KIAA0319: variants seen among roughly 807,000 people sequenced by gnomAD.
KIAA0319 encodes dyslexia-associated protein KIAA0319.
A neutral mutation model predicts 108.4 loss-of-function variants in KIAA0319; 83 were observed. The ratio of observed to expected loss-of-function variants is 0.77; its 90% CI spans 0.64 to 0.92. KIAA0319 has a LOEUF of 0.92. Among genes scored for constraint, KIAA0319 ranks in the 40% least tolerant of loss-of-function variants. The probability of loss-of-function intolerance (pLI) is 0.00; values close to 1 mark genes in which losing one functional copy is unlikely to be tolerated. For synonymous variants in KIAA0319, 484 were observed against 510.4 expected (o/e 0.95, Z 0.70); for missense variants, 1,195 against 1,322.4 (o/e 0.90, Z 1.49).
In KIAA0319 at chr6:24,614,587, T is replaced by C. The variant is rs1002880409; in HGVS notation, c.-105-13379A>G. 2.6e-5 allele frequency among the ~76,000 whole-genome samples: 4 copies of C among 152,180 alleles called. No individual in the cohort carries two copies. The East Asian group carries it at 7.7e-4, about 29-fold the overall frequency. ...AACAATTAAATATTACTGTCCCCAC[T>C]TTATAGATGATGAAACTGAAGCTCA... On this transcript the variant is annotated intron_variant, in intron 1 of 20. Coordinates refer to ENST00000378214, the MANE Select transcript of KIAA0319 (RefSeq NM_014809.4).
chr6:24,623,753 C>T (rs762047577), intron 1 of KIAA0319, among the ~76,000 whole-genome samples: 1 of 152,068 alleles, frequency 6.6e-6, no homozygotes, highest in Non-Finnish European at 1.5e-5. Flanking sequence ...ATTTATTGTG[C>T]ATTTCAAAAT....
At chr6:24,582,425 C>T in intron 5 of KIAA0319, 79 bp from the exon 6 acceptor site, 1 of 822,158 alleles carries the variant, frequency 1.2e-6, no homozygotes, top group East Asian at 2.5e-5. Flanking sequence ...AAGATGACAG[C>T]CTTTAAACCA....
intron 3 of KIAA0319, among the ~76,000 whole-genome samples, chr6:24,593,486 G>A (rs577423292): frequency 4.7e-4 from 70 of 148,030 alleles, no homozygotes; most frequent in African/African-American, 1.7e-3. Flanking sequence ...TGCACCTCCC[G>A]GGTTCACGCC....
rs774889730 is a variant in KIAA0319, at chr6:24,559,138, T to A, written c.2609A>T (p.Tyr870Phe). ...HSDLSTVIVF[Y>F]VQSRPPFKVL... is the part of the protein sequence containing the mutation. ...CTTGAAAGGCGGCCTGCTCTGTACA[T>A]AAAACACAATCACGGTGCTGTGGAG... Residue 870 changes from tyrosine to phenylalanine, a missense_variant, in exon 17 of 21, where the codon TAT (tyrosine) becomes TTT (phenylalanine). Coordinates refer to ENST00000378214, the MANE Select transcript of KIAA0319 (RefSeq NM_014809.4). 1.2e-6 allele frequency: 2 copies of A among 1,613,134 alleles called. No individual in the cohort carries two copies. The highest frequency in any genetic ancestry group is 1.7e-6 in the Non-Finnish European group (2 of 1,179,990).
rs147055989 is a variant in KIAA0319 at position 24,644,503 on chromosome 6, T to C, written c.-106+1233A>G. Among the ~76,000 whole-genome samples, 1,178 of 152,296 alleles carry C rather than the reference T, an allele frequency of 7.7e-3. 8 individuals carry two copies. The highest frequency in any genetic ancestry group is 0.013 in the South Asian group (63 of 4,830). On this transcript the variant is annotated intron_variant, in intron 1 of 20. Transcript: ENST00000378214. ...GCCTGTGGTAAAATTGGTTTCCTTA[T>C]ACCTCGTTGTGCTTAAAGGTTCACA... is the stretch of plus-strand genomic sequence containing the variant.
rs189504391 is a variant in KIAA0319, at chr6:24,602,527, G to A, written c.-105-1319C>T. ...AAGAAATGCTGCATCCTGGCCGGGT[G>A]CGGTGGCTCACGCCTGTAATCCCAG... On this transcript the variant is annotated intron_variant, in intron 1 of 20. Coordinates refer to ENST00000378214, the MANE Select transcript of KIAA0319 (RefSeq NM_014809.4). 4.1e-3 allele frequency among the ~76,000 whole-genome samples: 623 copies of A among 152,252 alleles called. 2 individuals are homozygous for A. The highest frequency in any genetic ancestry group is 0.014 in the African/African-American group (582 of 41,552).
intron 2 of KIAA0319, 103 bp from the exon 3 acceptor site, chr6:24,596,721 T>G: frequency 9.6e-7 from 1 of 1,038,134 alleles, no homozygotes; most frequent in Non-Finnish European, 1.4e-6. Context: ...CCCTGGCCAG[T>G]CTGGCAAGCA....
At chr6:24,640,346 C>A (rs1269445685) in intron 1 of KIAA0319, among the ~76,000 whole-genome samples, 1 of 152,080 alleles carries the variant, frequency 6.6e-6, no homozygotes, top group South Asian at 2.1e-4. Context: ...AAGCTCTATC[C>A]TTAGAAATTA....
Position 24,598,886 on chromosome 6 carries a change from AAT to A in KIAA0319, c.55+2161_55+2162del. 34 of 340,198 alleles carry A rather than the reference AAT, an allele frequency of 1.0e-4. No homozygotes were observed. The East Asian group carries it at 2.1e-3, about 21-fold the overall frequency. 21.1% of individuals were successfully genotyped at this position (340,198 alleles called of 1,614,324 possible). On this transcript the variant is annotated intron_variant, in intron 2 of 20. Coordinates refer to ENST00000378214, the MANE Select transcript of KIAA0319 (RefSeq NM_014809.4). ...GTGAGAAGACTGCATTTAAAAAAAA[AAT>A]AAAAAGTAAAAAAATAATTTTAGCG...
intron 4 of KIAA0319, among the ~76,000 whole-genome samples, chr6:24,584,464 C>A: frequency 6.9e-6 from 1 of 144,496 alleles, no homozygotes; most frequent in Admixed American, 6.9e-5. Flanking sequence ...AAGCTGAGTG[C>A]TCCAGAGGGA....
In KIAA0319 at chr6:24,568,673, G is replaced by A. The variant is rs116572937; in HGVS notation, c.2140+108C>T. On this transcript the variant is annotated intron_variant, in intron 13 of 20. Coordinates refer to ENST00000378214, the MANE Select transcript of KIAA0319 (RefSeq NM_014809.4). Reference sequence around the variant, plus strand: ...CCAGGCAGGGTTCGGCATCTGCTGCGAACAAATAAGCAAACACCAACATCT... The same window carrying A: ...CCAGGCAGGGTTCGGCATCTGCTGCAAACAAATAAGCAAACACCAACATCT... 1.2e-3 allele frequency: 1,383 copies of A among 1,181,130 alleles called. 15 individuals carry two copies. In the African/African-American group the frequency reaches 0.017, roughly 15 times the overall value. The allele number at this position is 1,181,130 out of a possible 1,614,324, so 73.2% of individuals were successfully genotyped here.
At chr6:24,627,015 C>T (rs1475611305) in intron 1 of KIAA0319, among the ~76,000 whole-genome samples, 1 of 152,174 alleles carries the variant, frequency 6.6e-6, no homozygotes, top group Non-Finnish European at 1.5e-5. Context: ...AATTCATGAG[C>T]ACTTCACAAA....
intron 14 of KIAA0319, among the ~76,000 whole-genome samples, chr6:24,565,571 G>A (rs367803016): frequency 1.3e-5 from 2 of 151,854 alleles, no homozygotes; most frequent in East Asian, 1.9e-4. Flanking sequence ...TGGCCAACAT[G>A]GTGAAACCCC....
At chr6:24,575,744 C>CT (rs367630973) in intron 10 of KIAA0319, among the ~76,000 whole-genome samples, 1,976 of 146,080 alleles carry the variant, frequency 0.014, 40 homozygotes, top group African/African-American at 0.043. Context: ...AAGGTCCTAT[C>CT]TTTTTTTTTT....
intron 1 of KIAA0319, among the ~76,000 whole-genome samples, chr6:24,604,454 T>C (rs1052869390): frequency 6.6e-6 from 1 of 152,190 alleles, no homozygotes. Context: ...CCATACCATA[T>C]GGTACCTTCA....
Position 24,554,601 on chromosome 6 carries a change from G to C in KIAA0319, c.2888C>G (p.Ala963Gly). 6.2e-7 allele frequency: 1 copy of C among 1,613,790 alleles called. No homozygotes were observed. The highest frequency in any genetic ancestry group is 1.3e-5 in the African/African-American group (1 of 75,016). Residue 963 changes from alanine (A) to glycine (G), a missense_variant, in exon 19 of 21, where the codon GCT becomes GGT. Ala to Gly is a moderately conservative substitution (Grantham distance 60, BLOSUM62 0). Coordinates refer to ENST00000378214, the MANE Select transcript of KIAA0319 (RefSeq NM_014809.4). ...TCCTGTTAGCACAATAAGAGTAAAA[G>C]CCAACACTGTCACATAGAATATACT... ...EWSIFYVTVL[A>G]FTLIVLTGGF...
chr6:24,582,135 G>A, intron 6 of KIAA0319, 114 bp downstream of exon 6: 1 of 676,402 alleles, frequency 1.5e-6, no homozygotes, highest in African/African-American at 1.8e-5. Context: ...AACAGAGCAA[G>A]ACTCTGTCCC....
At chr6:24,598,853 G>T in intron 2 of KIAA0319, 1 of 294,578 alleles carries the variant, frequency 3.4e-6, no homozygotes, top group Non-Finnish European at 6.7e-6. Flanking sequence ...TCCAGCCTGG[G>T]TGACAGAGTG....
chr6:24,627,273 A>T (rs1479962993), intron 1 of KIAA0319, among the ~76,000 whole-genome samples: 1 of 152,204 alleles, frequency 6.6e-6, no homozygotes, highest in Non-Finnish European at 1.5e-5. Context: ...TTATGTGTAC[A>T]GTGCAGAAAT....
Sources: gnomAD v4.1 joint callset for allele counts (sites outside exome capture counted in the v4.1 genomes callset) on GRCh38, gnomAD v4.1.1 for gene constraint, MANE v1.5 for transcripts, NCBI Gene and HGNC (gene_info 2026-07-23, HGNC 2026-07-21) for gene names.